The following NACC1 variants were observed in gnomAD, a reference collection of about 807,000 sequenced individuals.
The protein encoded by NACC1 is nucleus accumbens-associated protein 1.
Under a neutral mutation model 41.7 loss-of-function variants are expected in NACC1, and 6 were observed. The ratio of observed to expected loss-of-function variants is 0.14; its 90% CI spans 0.08 to 0.28. The LOEUF (loss-of-function observed/expected upper bound fraction) is 0.28, where lower values mean the gene tolerates loss of function less well. Among genes scored for constraint, NACC1 ranks in the 10% least tolerant of loss-of-function variants. NACC1 has a pLI of 1.00. For synonymous variants in NACC1, 338 were observed against 330.6 expected (o/e 1.02, Z -0.24); for missense variants, 434 against 763.7 (o/e 0.57, Z 5.09).
intron 1 of NACC1, among the ~76,000 whole-genome samples, chr19:13,130,588 T>C (rs575491430): frequency 6.8e-6 from 1 of 146,148 alleles, no homozygotes; most frequent in Admixed American, 7.2e-5. Flanking sequence ...CAGGCTGGAG[T>C]GTAGTGACTC....
rs539338574 is a variant in NACC1, at chr19:13,128,010, G to A, written c.-8-7190G>A. Among the ~76,000 whole-genome samples, 11 of 152,304 alleles carry A rather than the reference G, an allele frequency of 7.2e-5. No individual in the cohort carries two copies. In the East Asian group the frequency reaches 2.1e-3, roughly 29 times the overall value. ...CCCAGGCAGTGTCACTTGGGGCCAA[G>A]GTAGTACAAAGTGGTTTTGAAGGAG... On this transcript the variant is annotated intron_variant, in intron 1 of 5. Coordinates refer to ENST00000292431, the MANE Select transcript of NACC1 (RefSeq NM_052876.4).
chr19:13,118,750 AG>A (rs1258677416), intron 1 of NACC1, among the ~76,000 whole-genome samples: 11 of 108,420 alleles, frequency 1.0e-4, no homozygotes, highest in Non-Finnish European at 1.9e-4. Flanking sequence ...GGGAAGTTGG[AG>A]GGTCCGAGGC....
intron 1 of NACC1, among the ~76,000 whole-genome samples, chr19:13,127,370 A>AAT: frequency 2.2e-5 from 1 of 44,806 alleles, no homozygotes; most frequent in East Asian, 4.2e-4. Flanking sequence ...ATATACATAT[A>AAT]CTTTTTTTTT....
At chr19:13,126,739 C>G (rs547145129) in intron 1 of NACC1, among the ~76,000 whole-genome samples, 1 of 152,240 alleles carries the variant, frequency 6.6e-6, no homozygotes, top group African/African-American at 2.4e-5. Flanking sequence ...GCTTCTGAGC[C>G]CTATTCCTGT....
In NACC1 at chr19:13,135,295, T is replaced by C; in HGVS notation, c.88T>C (p.Cys30Arg). The C allele has an allele frequency of 6.2e-7, 1 of 1,613,838 alleles. No homozygotes were observed. Among genetic ancestry groups the C allele is most frequent in the Non-Finnish European group, 8.5e-7 (1 of 1,180,034 alleles). ...LNEQRLQGLY[C>R]DVSVVVKGHA... ...TGAACAGCGGCTGCAGGGCCTGTAC[T>C]GTGACGTGTCAGTGGTGGTCAAGGG... is the stretch of plus-strand genomic sequence containing the variant. Residue 30 changes from cysteine (C) to arginine (R), a missense_variant, in exon 2 of 6, where the codon TGT becomes CGT. Coordinates refer to ENST00000292431, the MANE Select transcript of NACC1 (RefSeq NM_052876.4).
At position 13,120,051 on chromosome 19, in the gene NACC1, G is replaced by A. The variant is rs2019469510; in HGVS notation, c.-9+1597G>A. 2.0e-5 allele frequency among the ~76,000 whole-genome samples: 3 copies of A among 152,158 alleles called. No individual in the cohort carries two copies. In the South Asian group the frequency reaches 6.2e-4, roughly 32 times the overall value. ...GGAGCTCCTCGTTCTGGATTCCCTG[G>A]CGGGCGTTCTCCTCCGTCCAGGCCT... On this transcript the variant is annotated intron_variant, in intron 1 of 5. Coordinates refer to ENST00000292431, the MANE Select transcript of NACC1 (RefSeq NM_052876.4).
Position 13,138,515 on chromosome 19 carries a change from G to A in NACC1, c.*109G>A, listed in dbSNP as rs756736698. The stretch of plus-strand genomic sequence containing the variant: ...TCCCTCCCCAGGACCCGCGGTGGGT[G>A]CTGCATGTTCCCGGCCCTCTGCCCC... On this transcript the variant is annotated 3_prime_UTR_variant, in exon 6 of 6. Transcript: ENST00000292431. The surrounding 1 kb of genome is among the most constrained non-coding windows in gnomAD (Gnocchi z 5.7). 6.8e-7 allele frequency: 1 copy of A among 1,460,020 alleles called. No homozygotes were observed. Among genetic ancestry groups the A allele is most frequent in the Non-Finnish European group, 9.2e-7 (1 of 1,087,390 alleles). 90.4% of individuals were successfully genotyped at this position (1,460,020 alleles called of 1,614,324 possible).
At chr19:13,126,955 G>A (rs1336537579) in intron 1 of NACC1, among the ~76,000 whole-genome samples, 1 of 152,052 alleles carries the variant, frequency 6.6e-6, no homozygotes. Flanking sequence ...GCCCAGTTTG[G>A]CAGGGGTGGT....
At position 13,140,098 on chromosome 19, in the gene NACC1, A is replaced by G. The variant is rs1444408505; in HGVS notation, c.*1692A>G. Reference sequence around the variant, plus strand: ...CGCCGGCCCACTGGGGGTCCCTCTTAACATCTGCTTGTTGCGGGGGTCAGT... The same window carrying G: ...CGCCGGCCCACTGGGGGTCCCTCTTGACATCTGCTTGTTGCGGGGGTCAGT... On this transcript the variant is annotated 3_prime_UTR_variant, in exon 6 of 6. Transcript: ENST00000292431. The surrounding 1 kb of genome is among the most constrained non-coding windows in gnomAD (Gnocchi z 4.0). 1 of 152,526 alleles carries G rather than the reference A, an allele frequency of 6.6e-6. No individual in the cohort carries two copies. Among genetic ancestry groups the G allele is most frequent in the Non-Finnish European group, 1.5e-5 (1 of 68,104 alleles). The allele number at this position is 152,526 out of a possible 1,614,324, so 9.4% of individuals were successfully genotyped here.
chr19:13,139,981 A>AG lies in NACC1; in HGVS notation c.*1580dup, dbSNP rs2019765667. Reference sequence around the variant, plus strand: ...TGCTCCCAGGGGTCTCTCCAGGGGCAGGGGGATTTTAGGAGATGGGGTGGG... The same window carrying AG: ...TGCTCCCAGGGGTCTCTCCAGGGGCAGGGGGGATTTTAGGAGATGGGGTGGG... On this transcript the variant is annotated 3_prime_UTR_variant, in exon 6 of 6. Coordinates refer to ENST00000292431, the MANE Select transcript of NACC1 (RefSeq NM_052876.4). 6.6e-6 allele frequency: 1 copy of AG among 151,940 alleles called. No individual in the cohort carries two copies. Among genetic ancestry groups the AG allele is most frequent in the African/African-American group, 2.4e-5 (1 of 41,342 alleles). The allele number at this position is 151,940 out of a possible 1,614,324, so 9.4% of individuals were successfully genotyped here. A position where few individuals can be genotyped will look rare whatever the true frequency, so the allele number is the denominator to read the frequency against.
At chr19:13,127,402 G>GTTTTTTTTTT (rs2019578620) in intron 1 of NACC1, among the ~76,000 whole-genome samples, 2 of 46,570 alleles carry the variant, frequency 4.3e-5, no homozygotes, top group Non-Finnish European at 7.3e-5. Context: ...TTTTTTTTTC[G>GTTTTTTTTTT]GTTAACTGGA....
rs1197601357 is a variant in NACC1 at position 13,118,419 on chromosome 19, C to G, written c.-44C>G. Reference sequence around the variant, plus strand: ...CCCGGCCCCAGCCGCCGCTGCGGAGCCCGCCGGGACCCCCCGGAGCGCGGC... The same window carrying G: ...CCCGGCCCCAGCCGCCGCTGCGGAGGCCGCCGGGACCCCCCGGAGCGCGGC... On this transcript the variant is annotated 5_prime_UTR_variant, in exon 1 of 6. Transcript: ENST00000292431. 1.3e-5 allele frequency: 2 copies of G among 148,670 alleles called. No individual in the cohort carries two copies. The highest frequency in any genetic ancestry group is 3.0e-5 in the Non-Finnish European group (2 of 66,934). The allele number at this position is 148,670 out of a possible 1,614,324, so 9.2% of individuals were successfully genotyped here.
Position 13,136,370 on chromosome 19 carries a change from A to G in NACC1, c.1085A>G (p.Glu362Gly). ...CGCTGCCACCCCAAGCTCTACGACG[A>G]GGGCGACCCCTCTGAGAAGCTGGAG... ...GNRCHPKLYDEGDPSEKLELV... is the reference protein window; with the variant it reads ...GNRCHPKLYDGGDPSEKLELV... Residue 362 changes from glutamate (E) to glycine (G), a missense_variant, in exon 3 of 6, where the codon GAG (glutamate) becomes GGG (glycine). Glu to Gly is a moderately conservative substitution (Grantham distance 98). Around this residue, in one of 4 missense-constraint regions of NACC1, gnomAD observed 70 missense variants for 206.9 expected, o/e 0.34. Coordinates refer to ENST00000292431, the MANE Select transcript of NACC1 (RefSeq NM_052876.4). This position sits in a 1 kb window ranked among gnomAD's most constrained non-coding sequence, Gnocchi z 5.5. 1 of 1,613,930 alleles carries G rather than the reference A, an allele frequency of 6.2e-7. No individual in the cohort carries two copies. Among genetic ancestry groups the G allele is most frequent in the Non-Finnish European group, 8.5e-7 (1 of 1,179,958 alleles).
intron 1 of NACC1, among the ~76,000 whole-genome samples, chr19:13,124,104 GA>G (rs1441824454): frequency 6.6e-6 from 1 of 151,908 alleles, no homozygotes; most frequent in African/African-American, 2.4e-5. Context: ...GGGTGTATAA[GA>G]AAAAAAATAC....
intron 1 of NACC1, among the ~76,000 whole-genome samples, chr19:13,132,601 G>A (rs2019647379): frequency 1.3e-5 from 2 of 152,004 alleles, no homozygotes; most frequent in Non-Finnish European, 2.9e-5. Context: ...GTCTTGCTAA[G>A]AGGATTCGGG....
intron 1 of NACC1, among the ~76,000 whole-genome samples, chr19:13,129,933 C>G (rs756774881): frequency 6.6e-6 from 1 of 150,582 alleles, no homozygotes; most frequent in Non-Finnish European, 1.5e-5. Context: ...AAAAAAATTA[C>G]CTGTGGCCGG....
chr19:13,127,370 A>ATTTTTTTTTTTTT (rs1491187460), intron 1 of NACC1, among the ~76,000 whole-genome samples: 1 of 44,818 alleles, frequency 2.2e-5, no homozygotes, highest in Non-Finnish European at 4.2e-5. Context: ...ATATACATAT[A>ATTTTTTTTTTTTT]CTTTTTTTTT....
chr19:13,135,534 C>T lies in NACC1; in HGVS notation c.327C>T (p.Ile109=), dbSNP rs1210222826. Residue 109 remains isoleucine, a synonymous_variant, in exon 2 of 6, where the codon ATC becomes ATT. Transcript: ENST00000292431. ...TGTACACGGCTGGCTTCCTGCAGAT[C>T]CAGGAGATCATGGAGAAGGGCACCG... ...LLMYTAGFLQ[I]QEIMEKGTEF... 6.2e-7 allele frequency: 1 copy of T among 1,613,064 alleles called. No individual in the cohort carries two copies.
intron 1 of NACC1, among the ~76,000 whole-genome samples, chr19:13,121,262 C>T (rs1293557107): frequency 6.6e-6 from 1 of 152,038 alleles, no homozygotes; most frequent in Admixed American, 6.6e-5. Context: ...CACAGCTTTT[C>T]TTGAGTATGT....
Sources: gnomAD v4.1 joint callset for allele counts (sites outside exome capture counted in the v4.1 genomes callset) on GRCh38, gnomAD v4.1.1 for gene constraint, gnomAD v4.1.1 regional missense constraint, Gnocchi (gnomAD v3.1) non-coding constraint, MANE v1.5 for transcripts, NCBI Gene and HGNC (gene_info 2026-07-23, HGNC 2026-07-21) for gene names.